CCDC194: variants seen among roughly 807,000 people sequenced by gnomAD.
CCDC194 encodes coiled-coil domain containing 194.
In CCDC194, 8 loss-of-function variants were observed where a neutral mutation model predicts 4.9. That is an observed-to-expected ratio of 1.65 (90% CI 0.97 to 2.97). CCDC194 has a LOEUF of 2.97. Ranked by LOEUF, CCDC194 falls within the 30% of genes most tolerant of loss-of-function variation. The probability of loss-of-function intolerance (pLI) is 0.00; values close to 1 mark genes in which losing one functional copy is unlikely to be tolerated. For synonymous variants in CCDC194, 13 were observed against 17.0 expected, an observed-to-expected ratio of 0.76 and a Z score of 0.58; for missense variants, 52 against 43.1, an observed-to-expected ratio of 1.21 and a Z score of -0.58.
chr19:17,393,523 G>C (rs1450640527), intron 1 of CCDC194, among the ~76,000 whole-genome samples: 1 of 151,884 alleles, frequency 6.6e-6, no homozygotes, highest in Non-Finnish European at 1.5e-5. Context: ...TGAGGAGCTG[G>C]GATTACAGGC....
intron 2 of CCDC194, 94 bp from the exon 3 acceptor site, chr19:17,391,437 G>A (rs2074654460): frequency 2.0e-6 from 1 of 511,190 alleles, no homozygotes; most frequent in Admixed American, 3.9e-5. Flanking sequence ...CATGCCGTTT[G>A]CACGCTTTCC....
At chr19:17,388,632 C>T (rs2074644031), downstream of CCDC194, among the ~76,000 whole-genome samples, 1 of 151,570 alleles carries the variant, frequency 6.6e-6, no homozygotes, top group African/African-American at 2.4e-5. Context: ...AACACCTGAG[C>T]TCAAGTGATC....
downstream of CCDC194, chr19:17,390,424 T>C: frequency 2.6e-6 from 1 of 383,052 alleles, no homozygotes; most frequent in East Asian, 3.7e-5. The surrounding 1 kb of genome is among the most constrained non-coding windows in gnomAD (Gnocchi z 5.5). Context: ...GCATCCAGCG[T>C]GGGGGTGCCT....
In CCDC194 at chr19:17,392,027, C is replaced by A. The variant is rs906371008; in HGVS notation, c.325-181G>T. The A allele has an allele frequency of 8.4e-5, 46 of 545,580 alleles. 1 individual carries two copies. In the South Asian group the frequency reaches 1.5e-3, roughly 17 times the overall value. 33.8% of individuals were successfully genotyped at this position (545,580 alleles called of 1,614,324 possible). A position where few individuals can be genotyped will look rare whatever the true frequency, so the allele number is the denominator to read the frequency against. On this transcript the variant is annotated intron_variant, in intron 1 of 3. Transcript: ENST00000636079. ...AAGTGGCTTCTGAAGCCTGGGGCAC[C>A]GAGTGGTGACAGCTGCCTGCCTGGA...
Position 17,391,747 on chromosome 19 carries a change from C to G in CCDC194, c.421+3G>C. The G allele has an allele frequency of 6.5e-7, 1 of 1,535,742 alleles. No individual in the cohort carries two copies. Among genetic ancestry groups the G allele is most frequent in the Non-Finnish European group, 8.7e-7 (1 of 1,146,912 alleles). ...CTGCCCACTCCCTTACACCCCAACG[C>G]ACCTGTCAGCGCCCCGTTCTCGGCC... On this transcript the variant is annotated splice_donor_region_variant and intron_variant, in intron 2 of 3. Coordinates refer to ENST00000636079, the Ensembl canonical transcript of CCDC194.
At chr19:17,393,747 G>A (rs938856145) in intron 1 of CCDC194, 88 bp downstream of exon 1, 4 of 391,170 alleles carry the variant, frequency 1.0e-5, no homozygotes, top group Non-Finnish European at 1.8e-5. Flanking sequence ...CCGAGGCACA[G>A]GGAGGGAACC....
At chr19:17,390,500 G>A (rs762298403), downstream of CCDC194, 434 of 393,218 alleles carry the variant, frequency 1.1e-3, no homozygotes, top group Non-Finnish European at 1.6e-3. This position sits in a 1 kb window ranked among gnomAD's most constrained non-coding sequence, Gnocchi z 5.5. Flanking sequence ...CTTCCGGCAG[G>A]GGGCCGACTC....
intron 1 of CCDC194, among the ~76,000 whole-genome samples, chr19:17,392,555 C>T (rs945984181): frequency 2.0e-5 from 3 of 152,244 alleles, no homozygotes; most frequent in Admixed American, 6.5e-5. Context: ...GGGTATGTGT[C>T]GGTTGCCTGT....
rs2074664040 is a variant in CCDC194, at chr19:17,393,834, C to T, written c.324+1G>A. The T allele has an allele frequency of 2.5e-6, 1 of 396,952 alleles. No homozygotes were observed. The highest frequency in any genetic ancestry group is 4.4e-5 in the Admixed American group (1 of 22,666). 24.6% of individuals were successfully genotyped at this position (396,952 alleles called of 1,614,324 possible). A position where few individuals can be genotyped will look rare whatever the true frequency, so the allele number is the denominator to read the frequency against. On this transcript the variant is annotated splice_donor_variant, in intron 1 of 3. Coordinates refer to ENST00000636079, the Ensembl canonical transcript of CCDC194. LOFTEE classifies it high-confidence loss of function. ...GCTCCCCCTCTACCCGGCCCACCTA[C>T]CTGGCGGCCTTCACAGGCCTTTAAT...
chr19:17,391,889 G>A (rs2278235), intron 1 of CCDC194, 43 bp from the exon 2 acceptor site: 1,196,631 of 1,447,706 alleles, frequency 0.83, 507,905 homozygotes, highest in Non-Finnish European at 0.88. Context: ...AGGCAGAGGA[G>A]AGGAGGAGTG....
At chr19:17,389,611 G>C (rs1411895781), downstream of CCDC194, among the ~76,000 whole-genome samples, 1 of 152,130 alleles carries the variant, frequency 6.6e-6, no homozygotes, top group Non-Finnish European at 1.5e-5. Context: ...GCAATTAACA[G>C]ACTTGGCAAT....
chr19:17,389,502 A>G (rs1192902042), downstream of CCDC194, among the ~76,000 whole-genome samples: 1 of 152,142 alleles, frequency 6.6e-6, no homozygotes, highest in Admixed American at 6.6e-5. Context: ...ACTCCCAGAA[A>G]AAAAACTACT....
In CCDC194 at chr19:17,393,376, C is replaced by CTT. The variant is rs551933814; in HGVS notation, c.324+457_324+458dup. On this transcript the variant is annotated intron_variant, in intron 1 of 3. Coordinates refer to ENST00000636079, the Ensembl canonical transcript of CCDC194. ...TGGCAAATAGCAAAGGACAGTGAGA[C>CTT]TTTTTTTTTTTTTTTTTTTTTTTTT... Among the ~76,000 whole-genome samples the CTT allele has an allele frequency of 1.4e-3, 158 of 115,396 alleles. 9 individuals carry two copies. The highest frequency in any genetic ancestry group is 9.0e-3 in the Middle Eastern group (2 of 222). The allele number at this position is 115,396 out of a possible 152,430, so 75.7% of individuals were successfully genotyped here.
At chr19:17,387,449 G>T (rs576117448), downstream of CCDC194, among the ~76,000 whole-genome samples, 2 of 152,020 alleles carry the variant, frequency 1.3e-5, no homozygotes, top group Admixed American at 6.6e-5. Context: ...CGGGCACAGC[G>T]GCTCAGGCCT....
At chr19:17,388,193 C>CTTTTTTTTTTTT (rs71162117), downstream of CCDC194, among the ~76,000 whole-genome samples, 1 of 92,112 alleles carries the variant, frequency 1.1e-5, no homozygotes, top group African/African-American at 4.5e-5. Context: ...TCTTTTTTTC[C>CTTTTTTTTTTTT]TTTTTTTTTT....
Position 17,390,758 on chromosome 19 carries a change from T to A in CCDC194, c.555-99A>T, listed in dbSNP as rs964636514. 1.0e-5 allele frequency: 4 copies of A among 392,132 alleles called. No homozygotes were observed. The highest frequency in any genetic ancestry group is 1.3e-4 in the South Asian group (1 of 7,712). The allele number at this position is 392,132 out of a possible 1,614,324, so 24.3% of individuals were successfully genotyped here. On this transcript the variant is annotated intron_variant, in intron 3 of 3. Coordinates refer to ENST00000636079, the Ensembl canonical transcript of CCDC194. The surrounding 1 kb of genome is among the most constrained non-coding windows in gnomAD (Gnocchi z 5.5). ...GAGCGTCCCTTTGCTGGGAACTCCA[T>A]CCCCAGAGATCCCCATCTCCCAGGG...
chr19:17,393,218 A>G (rs1410032263), intron 1 of CCDC194, among the ~76,000 whole-genome samples: 2 of 152,148 alleles, frequency 1.3e-5, no homozygotes, highest in African/African-American at 2.4e-5. Context: ...GGCCAACTTT[A>G]GCCTCCTAAT....
At position 17,391,000 on chromosome 19, in the gene CCDC194, C is replaced by T. The variant is rs934404359; in HGVS notation, c.554+211G>A. On this transcript the variant is annotated intron_variant, in intron 3 of 3. Transcript: ENST00000636079. This position sits in a 1 kb window ranked among gnomAD's most constrained non-coding sequence, Gnocchi z 5.5. ...CTGGGGACCTAAGTTTCTAGAATGC[C>T]CGCCCCAGCCTGGAATCCCAAGAGA... 2.0e-5 allele frequency among the ~76,000 whole-genome samples: 3 copies of T among 152,098 alleles called. No homozygotes were observed. Among genetic ancestry groups the T allele is most frequent in the Non-Finnish European group, 4.4e-5 (3 of 68,010 alleles).
upstream of CCDC194, chr19:17,394,163 C>A (rs1489533440): frequency 2.6e-5 from 10 of 391,428 alleles, no homozygotes; most frequent in Non-Finnish European, 4.1e-5. Context: ...GGCCATGCCG[C>A]GGTCCACAGC....
Sources: allele counts gnomAD v4.1 joint callset (sites outside exome capture counted in the v4.1 genomes callset), GRCh38; gene constraint gnomAD v4.1.1; non-coding constraint Gnocchi (gnomAD v3.1); transcripts MANE v1.5; gene names NCBI Gene and HGNC (gene_info 2026-07-23, HGNC 2026-07-21).